The following CNTNAP5 variants were observed in gnomAD, a reference collection of about 807,000 sequenced individuals.
CNTNAP5 encodes contactin associated protein family member 5.
A neutral mutation model predicts 150.2 loss-of-function variants in CNTNAP5; 72 were observed. The ratio of observed to expected loss-of-function variants is 0.48; its 90% CI spans 0.40 to 0.58. The LOEUF is 0.58. Among genes scored for constraint, CNTNAP5 ranks in the 20% least tolerant of loss-of-function variants. The pLI is 0.00. For missense variants in CNTNAP5, 1,636 were observed against 1,626.2 expected (o/e 1.01, Z -0.10); for synonymous variants, 672 against 619.8 (o/e 1.08, Z -1.25).
At chr2:124,606,233 A>T (rs1243316782) in intron 11 of CNTNAP5, among the ~76,000 whole-genome samples, 1 of 152,190 alleles carries the variant, frequency 6.6e-6, no homozygotes, top group Non-Finnish European at 1.5e-5. Context: ...GTAATCATTG[A>T]TGTAGCTAAA....
intron 13 of CNTNAP5, among the ~76,000 whole-genome samples, chr2:124,661,750 A>G (rs527707774): frequency 5.3e-5 from 8 of 152,224 alleles, no homozygotes; most frequent in Non-Finnish European, 8.8e-5. Context: ...CAGTATGTAC[A>G]CATTAGTAAT....
At chr2:124,486,256 G>A (rs551497528) in intron 7 of CNTNAP5, among the ~76,000 whole-genome samples, 10 of 152,238 alleles carry the variant, frequency 6.6e-5, no homozygotes, top group African/African-American at 2.4e-4. Context: ...AAGCTATGAG[G>A]ATGCAAAGGT....
At chr2:124,060,920 A>G (rs1681993120) in intron 1 of CNTNAP5, among the ~76,000 whole-genome samples, 1 of 152,162 alleles carries the variant, frequency 6.6e-6, no homozygotes, top group African/African-American at 2.4e-5. Context: ...ATGCAGATAC[A>G]GTTGACCCAA....
intron 10 of CNTNAP5, among the ~76,000 whole-genome samples, chr2:124,532,227 G>T (rs1051168710): frequency 2.0e-5 from 3 of 152,116 alleles, no homozygotes; most frequent in Non-Finnish European, 2.9e-5. Context: ...TCACATAAAA[G>T]TTTTTTTCTT....
chr2:124,519,518 C>CA (rs1326133587), intron 8 of CNTNAP5, among the ~76,000 whole-genome samples: 1 of 152,172 alleles, frequency 6.6e-6, no homozygotes, highest in Non-Finnish European at 1.5e-5. Context: ...CTCCAGTACC[C>CA]ACACTTCCCT....
intron 1 of CNTNAP5, 61 bp from the exon 2 acceptor site, chr2:124,221,644 T>C: frequency 2.8e-6 from 3 of 1,074,844 alleles, no homozygotes; most frequent in Non-Finnish European, 4.2e-6. Flanking sequence ...CTTCTCTTCT[T>C]ATGGAATGTT....
chr2:124,873,794 C>G (rs1286321716), intron 21 of CNTNAP5, among the ~76,000 whole-genome samples: 1 of 152,032 alleles, frequency 6.6e-6, no homozygotes, highest in Non-Finnish European at 1.5e-5. Context: ...AACTGTAAAT[C>G]AAACACTAGA....
chr2:124,879,364 C>T (rs1037033063), intron 21 of CNTNAP5, among the ~76,000 whole-genome samples: 23 of 152,128 alleles, frequency 1.5e-4, no homozygotes, highest in Non-Finnish European at 1.8e-4. Flanking sequence ...AATATTAGAA[C>T]TGTGGTTACC....
intron 1 of CNTNAP5, among the ~76,000 whole-genome samples, chr2:124,118,345 A>G (rs1357902713): frequency 6.6e-6 from 1 of 152,164 alleles, no homozygotes; most frequent in Admixed American, 6.6e-5. Context: ...TGTGCAAACT[A>G]TAAGTCTTGC....
chr2:124,504,157 T>C, intron 7 of CNTNAP5, 135 bp from the exon 8 acceptor site: 1 of 865,798 alleles, frequency 1.2e-6, no homozygotes, highest in South Asian at 1.8e-5. Context: ...CGACATTTTT[T>C]TCTTCTTTAA....
intron 2 of CNTNAP5, 134 bp from the exon 3 acceptor site, chr2:124,242,066 A>G (rs1210882810): frequency 1.5e-5 from 10 of 657,220 alleles, no homozygotes; most frequent in Middle Eastern, 4.3e-4. Flanking sequence ...GTACAGAGGC[A>G]GGGAAGAGTA....
intron 8 of CNTNAP5, among the ~76,000 whole-genome samples, chr2:124,516,955 T>C (rs2104878106): frequency 6.6e-6 from 1 of 152,344 alleles, no homozygotes; most frequent in African/African-American, 2.4e-5. Context: ...TCAATGGTTC[T>C]GAGCCAAGGG....
At chr2:124,084,463 G>A (rs13396946) in intron 1 of CNTNAP5, among the ~76,000 whole-genome samples, 19,063 of 151,780 alleles carry the variant, frequency 0.13, 1,260 homozygotes, top group South Asian at 0.23. Flanking sequence ...CATGGGGTTT[G>A]TTTCATCATG....
chr2:124,251,643 A>G (rs919403663), intron 3 of CNTNAP5, among the ~76,000 whole-genome samples: 1 of 152,224 alleles, frequency 6.6e-6, no homozygotes, highest in African/African-American at 2.4e-5. Flanking sequence ...GAATGTGGAA[A>G]TTTCCTGTCA....
intron 3 of CNTNAP5, among the ~76,000 whole-genome samples, chr2:124,391,323 TA>T (rs1691103657): frequency 6.6e-6 from 1 of 152,134 alleles, no homozygotes; most frequent in Non-Finnish European, 1.5e-5. Context: ...ATATGCTAAT[TA>T]GAATATAAAA....
At chr2:124,650,841 G>A (rs903219762) in intron 13 of CNTNAP5, among the ~76,000 whole-genome samples, 2 of 152,152 alleles carry the variant, frequency 1.3e-5, no homozygotes, top group East Asian at 1.9e-4. Context: ...ATTTGGACCT[G>A]TAGATTGTTT....
At chr2:124,887,583 C>T (rs192323116) in intron 21 of CNTNAP5, among the ~76,000 whole-genome samples, 171 of 152,142 alleles carry the variant, frequency 1.1e-3, no homozygotes, top group African/African-American at 3.7e-3. Flanking sequence ...TTACACATAC[C>T]GCTTAGTGCA....
intron 19 of CNTNAP5, among the ~76,000 whole-genome samples, chr2:124,850,820 G>T (rs983155720): frequency 2.0e-5 from 3 of 152,086 alleles, no homozygotes; most frequent in Non-Finnish European, 4.4e-5. Flanking sequence ...AGAAAGAAAA[G>T]AATGTGACTG....
intron 1 of CNTNAP5, among the ~76,000 whole-genome samples, chr2:124,160,456 A>C (rs1161489085): frequency 2.6e-5 from 4 of 152,068 alleles, no homozygotes. Flanking sequence ...CTTCTCCCCA[A>C]CAATAAGCTC....
Sources: allele counts gnomAD v4.1 joint callset (sites outside exome capture counted in the v4.1 genomes callset), GRCh38; gene constraint gnomAD v4.1.1; transcripts MANE v1.5; gene names NCBI Gene and HGNC (gene_info 2026-07-23, HGNC 2026-07-21).